The following TRIM8 variants were observed in gnomAD, a reference collection of about 807,000 sequenced individuals.
The protein encoded by TRIM8 is tripartite motif containing 8.
TRIM8 carries 9 observed loss-of-function variants against 55.7 expected under a neutral mutation model. The ratio of observed to expected loss-of-function variants is 0.16; its 90% CI spans 0.10 to 0.28. The LOEUF (loss-of-function observed/expected upper bound fraction) is 0.28, where lower values mean the gene tolerates loss of function less well. TRIM8 is among the 10% of genes least tolerant of loss of function. TRIM8 has a pLI of 1.00. For synonymous variants in TRIM8, 335 were observed against 333.3 expected (o/e 1.01, Z -0.06); for missense variants, 556 against 736.4 (o/e 0.76, Z 2.83).
chr10:102,654,939 C>A, intron 2 of TRIM8, 141 bp from the exon 3 acceptor site: 1 of 1,020,310 alleles, frequency 9.8e-7, no homozygotes, highest in Non-Finnish European at 1.5e-6. Flanking sequence ...CAGTGGGGAA[C>A]TGGCAGGTCA....
chr10:102,657,426 G>A lies in TRIM8; in HGVS notation c.*72G>A. Reference sequence around the variant, plus strand: ...CGGGCTCGGGAGTTATGCATCCAGAGACCTGCCCTTCTACCTTCCTCGCCT... The same window carrying A: ...CGGGCTCGGGAGTTATGCATCCAGAAACCTGCCCTTCTACCTTCCTCGCCT... On this transcript the variant is annotated 3_prime_UTR_variant, in exon 6 of 6. Coordinates refer to ENST00000643721, the MANE Select transcript of TRIM8 (RefSeq NM_030912.3). 1 of 1,496,972 alleles carries A rather than the reference G, an allele frequency of 6.7e-7. No individual in the cohort carries two copies. The highest frequency in any genetic ancestry group is 8.9e-7 in the Non-Finnish European group (1 of 1,120,348). 92.7% of individuals were successfully genotyped at this position (1,496,972 alleles called of 1,614,324 possible). A position where few individuals can be genotyped will look rare whatever the true frequency, so the allele number is the denominator to read the frequency against.
At chr10:102,645,210 C>T in intron 1 of TRIM8, 23 bp downstream of exon 1, 2 of 1,514,058 alleles carry the variant, frequency 1.3e-6, no homozygotes, top group Non-Finnish European at 1.8e-6. Context: ...CGCGCGCGCG[C>T]GCACACACAC....
chr10:102,655,725 C>T (rs1339150940), intron 3 of TRIM8, among the ~76,000 whole-genome samples: 2 of 152,148 alleles, frequency 1.3e-5, no homozygotes, highest in East Asian at 1.9e-4. Context: ...TTGTGTCTTG[C>T]TGGGGATGAT....
In TRIM8 at chr10:102,655,184, C is replaced by T; in HGVS notation, c.771C>T (p.Ala257=). ...LRQTVEVLDK[A]QAKFCSENAA... ...AGACAGTGGAGGTCCTAGACAAGGC[C>T]CAGGCCAAGTTCTGCAGCGAGAACG... Residue 257 remains alanine, a synonymous_variant, in exon 3 of 6, where the codon GCC becomes GCT. Transcript: ENST00000643721. 1 of 1,610,110 alleles carries T rather than the reference C, an allele frequency of 6.2e-7. No homozygotes were observed. The highest frequency in any genetic ancestry group is 2.2e-5 in the East Asian group (1 of 44,864).
chr10:102,644,587 G>A lies in TRIM8; in HGVS notation c.-31G>A, dbSNP rs772798710. 1.9e-6 allele frequency: 3 copies of A among 1,600,386 alleles called. No individual in the cohort carries two copies. Among genetic ancestry groups the A allele is most frequent in the Non-Finnish European group, 2.6e-6 (3 of 1,174,428 alleles). ...ACCCCCGGGGCTGGGGAGTCGGGGA[G>A]GCCTGCCCCGGCCCCCTGCCCGCGG... On this transcript the variant is annotated 5_prime_UTR_variant, in exon 1 of 6. Coordinates refer to ENST00000643721, the MANE Select transcript of TRIM8 (RefSeq NM_030912.3).
At chr10:102,649,263 G>A (rs759888599) in intron 1 of TRIM8, 9 of 152,366 alleles carry the variant, frequency 5.9e-5, no homozygotes, top group Admixed American at 5.2e-4. Flanking sequence ...GTGCTGCTGT[G>A]TGAGTGCCCG....
In TRIM8 at chr10:102,656,018, CA is replaced by C. The variant is rs924998007; in HGVS notation, c.901-87del. On this transcript the variant is annotated intron_variant, in intron 3 of 5. Coordinates refer to ENST00000643721, the MANE Select transcript of TRIM8 (RefSeq NM_030912.3). This position sits in a 1 kb window ranked among gnomAD's most constrained non-coding sequence, Gnocchi z 4.6. ...GGATCCACCCAGCCTGGGGGAGGCT[CA>C]GGGGGGGCAGCTTTTGTCTTCCCCT... 108 of 1,599,612 alleles carry C rather than the reference CA, an allele frequency of 6.8e-5. No individual in the cohort carries two copies. Among genetic ancestry groups the C allele is most frequent in the African/African-American group, 3.3e-4 (25 of 74,780 alleles).
intron 1 of TRIM8, among the ~76,000 whole-genome samples, chr10:102,651,463 C>T (rs1372325908): frequency 6.6e-6 from 1 of 152,242 alleles, no homozygotes; most frequent in Non-Finnish European, 1.5e-5. Context: ...GTGTGGACAG[C>T]TCAGTTCCTG....
Position 102,655,073 on chromosome 10 carries a change from C to T in TRIM8, c.667-7C>T, listed in dbSNP as rs1271826678. 6 of 1,612,902 alleles carry T rather than the reference C, an allele frequency of 3.7e-6. No individual in the cohort carries two copies. The highest frequency in any genetic ancestry group is 3.4e-5 in the Admixed American group (2 of 59,678). On this transcript the variant is annotated splice_polypyrimidine_tract_variant and splice_region_variant and intron_variant, in intron 2 of 5. Transcript: ENST00000643721. ...TGCCTGCCCACTCCTGCCCTCTGTA[C>T]TCGCAGGAGAAAGTGAACCAACTGA... is the stretch of plus-strand genomic sequence containing the variant.
At chr10:102,649,978 C>T (rs116913838) in intron 1 of TRIM8, among the ~76,000 whole-genome samples, 1,810 of 151,936 alleles carry the variant, frequency 0.012, 23 homozygotes, top group Admixed American at 0.032. Flanking sequence ...TGGAGCTGGC[C>T]GGGCAGGGAC....
intron 1 of TRIM8, among the ~76,000 whole-genome samples, chr10:102,648,034 C>T (rs1396131005): frequency 1.3e-5 from 2 of 152,170 alleles, no homozygotes; most frequent in Non-Finnish European, 2.9e-5. Context: ...GCCAGTGTGT[C>T]GGCCACATTG....
At chr10:102,648,959 C>T (rs2063957937) in intron 1 of TRIM8, among the ~76,000 whole-genome samples, 1 of 152,152 alleles carries the variant, frequency 6.6e-6, no homozygotes, top group South Asian at 2.1e-4. Flanking sequence ...CATGGCCAGG[C>T]ACCTGTCATG....
Position 102,657,573 on chromosome 10 carries a change from G to T in TRIM8, c.*219G>T. ...GACGCAGAGGTGACAGTGGGAGCTGGCCTGGGCCAGGACGGCAGGTGGCCC... is the reference window on the plus strand; with the variant it reads ...GACGCAGAGGTGACAGTGGGAGCTGTCCTGGGCCAGGACGGCAGGTGGCCC... On this transcript the variant is annotated 3_prime_UTR_variant, in exon 6 of 6. Transcript: ENST00000643721. 1.8e-6 allele frequency: 1 copy of T among 567,708 alleles called. No homozygotes were observed. The highest frequency in any genetic ancestry group is 2.9e-6 in the Non-Finnish European group (1 of 343,934). 35.2% of individuals were successfully genotyped at this position (567,708 alleles called of 1,614,324 possible).
In TRIM8 at chr10:102,656,023, G is replaced by T. The variant is rs564791732; in HGVS notation, c.901-83G>T. On this transcript the variant is annotated intron_variant, in intron 3 of 5. Coordinates refer to ENST00000643721, the MANE Select transcript of TRIM8 (RefSeq NM_030912.3). The surrounding 1 kb of genome is among the most constrained non-coding windows in gnomAD (Gnocchi z 4.6). ...CACCCAGCCTGGGGGAGGCTCAGGG[G>T]GGGCAGCTTTTGTCTTCCCCTCTCC... 4.4e-6 allele frequency: 7 copies of T among 1,605,080 alleles called. No individual in the cohort carries two copies. The highest frequency in any genetic ancestry group is 4.0e-5 in the African/African-American group (3 of 74,764).
At chr10:102,651,396 C>T (rs935216278) in intron 1 of TRIM8, among the ~76,000 whole-genome samples, 11 of 152,220 alleles carry the variant, frequency 7.2e-5, no homozygotes, top group Non-Finnish European at 1.5e-4. Context: ...TGAGGGGTCA[C>T]TCCCTGGGCA....
At chr10:102,646,736 A>C (rs2063938931) in intron 1 of TRIM8, among the ~76,000 whole-genome samples, 1 of 152,138 alleles carries the variant, frequency 6.6e-6, no homozygotes, top group African/African-American at 2.4e-5. Flanking sequence ...GCTATTAATA[A>C]AGATGGAAGG....
At position 102,657,177 on chromosome 10, in the gene TRIM8, T is replaced by G. The variant is rs2064033209; in HGVS notation, c.1479T>G (p.Phe493Leu). 6.2e-7 allele frequency: 1 copy of G among 1,613,886 alleles called. No homozygotes were observed. Among genetic ancestry groups the G allele is most frequent in the Non-Finnish European group, 8.5e-7 (1 of 1,179,932 alleles). The change falls in exon 6 of 6, where the codon TTT becomes TTG. Residue 493 changes from phenylalanine to leucine, a missense_variant. This residue lies in a region of TRIM8 where 391 missense variants were observed against 441.0 expected (regional missense o/e 0.89). Transcript: ENST00000643721. ...GHQPYPRSGH[F>L]PWTVPSQEYS... is the part of the protein sequence containing the mutation. ...AGCCCTACCCCCGCTCCGGCCACTT[T>G]CCCTGGACAGTGCCCTCGCAGGAGT...
Position 102,656,329 on chromosome 10 carries a change from A to G in TRIM8, c.992A>G (p.Lys331Arg). Residue 331 changes from lysine (K) to arginine (R), a missense_variant, in exon 5 of 6, where the codon AAG (lysine) becomes AGG (arginine). Coordinates refer to ENST00000643721, the MANE Select transcript of TRIM8 (RefSeq NM_030912.3). The surrounding 1 kb of genome is among the most constrained non-coding windows in gnomAD (Gnocchi z 4.6). ...ACTAAGATCGGCCACCTGAACTCCAAGCTCTTCCTGAACGAAGTGGCCAAG... is the reference window on the plus strand; with the variant it reads ...ACTAAGATCGGCCACCTGAACTCCAGGCTCTTCCTGAACGAAGTGGCCAAG... ...SPTKIGHLNS[K>R]LFLNEVAKKE... 6.2e-7 allele frequency: 1 copy of G among 1,614,144 alleles called. No individual in the cohort carries two copies. The highest frequency in any genetic ancestry group is 8.5e-7 in the Non-Finnish European group (1 of 1,179,998).
rs1026226821 is a variant in TRIM8 at position 102,656,084 on chromosome 10, G to C, written c.901-22G>C. 6.2e-7 allele frequency: 1 copy of C among 1,613,832 alleles called. No homozygotes were observed. Among genetic ancestry groups the C allele is most frequent in the African/African-American group, 1.3e-5 (1 of 74,802 alleles). ...CCTGGACTGCCTTTTCCACTGACTT[G>C]ACTCTTTTCTCTCCCCAACAGAACA... On this transcript the variant is annotated intron_variant, in intron 3 of 5. Transcript: ENST00000643721. The surrounding 1 kb of genome is among the most constrained non-coding windows in gnomAD (Gnocchi z 4.6).
Sources: gnomAD v4.1 joint callset for allele counts (sites outside exome capture counted in the v4.1 genomes callset) on GRCh38, gnomAD v4.1.1 for gene constraint, gnomAD v4.1.1 regional missense constraint, Gnocchi (gnomAD v3.1) non-coding constraint, MANE v1.5 for transcripts, NCBI Gene and HGNC (gene_info 2026-07-23, HGNC 2026-07-21) for gene names.